The following ACSL4 variants were observed in gnomAD, a reference collection of about 807,000 sequenced individuals.
ACSL4 encodes the protein long-chain-fatty-acid--CoA ligase 4.
In ACSL4, 9 loss-of-function variants were observed where a neutral mutation model predicts 49.1. That is an observed-to-expected ratio of 0.18 (90% CI 0.11 to 0.32). The LOEUF (loss-of-function observed/expected upper bound fraction) is 0.32. Among genes scored for constraint, ACSL4 ranks in the 10% least tolerant of loss-of-function variants. The probability of loss-of-function intolerance (pLI) is 1.00; values close to 1 mark genes in which losing one functional copy is unlikely to be tolerated. For missense variants in ACSL4, 333 were observed against 493.7 expected, an observed-to-expected ratio of 0.67 and a Z score of 3.08; for synonymous variants, 191 against 170.3, an observed-to-expected ratio of 1.12 and a Z score of -0.95.
intron 1 of ACSL4, among the ~76,000 whole-genome samples, chrX:109,717,879 T>C (rs1387463169): frequency 9.0e-6 from 1 of 111,593 alleles, no homozygotes; most frequent in Non-Finnish European, 1.9e-5. Context: ...TCATGAGTTA[T>C]CATTAGTGTT....
chrX:109,674,517 A>T, intron 8 of ACSL4, 44 bp from the exon 9 acceptor site: 1 of 964,482 alleles, frequency 1.0e-6, no homozygotes, highest in East Asian at 3.1e-5. Flanking sequence ...AACCAACCTT[A>T]AAACATGTTG....
At chrX:109,708,541 C>T (rs985912909) in intron 1 of ACSL4, among the ~76,000 whole-genome samples, 1 of 112,116 alleles carries the variant, frequency 8.9e-6, no homozygotes, top group Non-Finnish European at 1.9e-5. Flanking sequence ...ATAAACTCTT[C>T]TTTTGCTCAT....
At chrX:109,664,021 T>C (rs190524873) in intron 12 of ACSL4, among the ~76,000 whole-genome samples, 6 of 111,825 alleles carry the variant, frequency 5.4e-5, no homozygotes, top group African/African-American at 1.9e-4. Flanking sequence ...AAGGAAAATA[T>C]ACAAAAATCT....
At chrX:109,697,713 G>A in intron 1 of ACSL4, among the ~76,000 whole-genome samples, 1 of 95,449 alleles carries the variant, frequency 1.0e-5, no homozygotes, top group Non-Finnish European at 2.1e-5. Context: ...ATTGACATGG[G>A]GGGGGGGGCG....
intron 15 of ACSL4, among the ~76,000 whole-genome samples, chrX:109,656,460 G>A (rs1194994271): frequency 1.8e-5 from 2 of 111,042 alleles, no homozygotes; most frequent in Non-Finnish European, 3.8e-5. Context: ...GTGTGGTAGG[G>A]AAGGCAAGGA....
Position 109,682,700 on chromosome X carries a change from A to G in ACSL4, c.406+19T>C, listed in dbSNP as rs1924260545. ...GCAAAGACCCTCCTCTCCCCCCTCCAAAAACACAAGGCACTTACGAGGAAA... is the reference window on the plus strand; with the variant it reads ...GCAAAGACCCTCCTCTCCCCCCTCCGAAAACACAAGGCACTTACGAGGAAA... On this transcript the variant is annotated intron_variant, in intron 4 of 15. Transcript: ENST00000672401. 2 of 1,210,435 alleles carry G rather than the reference A, an allele frequency of 1.7e-6. No individual in the cohort carries two copies. Among genetic ancestry groups the G allele is most frequent in the East Asian group, 5.9e-5 (2 of 33,826 alleles).
At chrX:109,658,561 T>C in intron 15 of ACSL4, among the ~76,000 whole-genome samples, 1 of 112,243 alleles carries the variant, frequency 8.9e-6, no homozygotes, top group Non-Finnish European at 1.9e-5. Context: ...TCTACAGCCT[T>C]ACCTCATACT....
intron 15 of ACSL4, among the ~76,000 whole-genome samples, chrX:109,647,849 C>A (rs1211757000): frequency 9.0e-6 from 1 of 110,892 alleles, no homozygotes; most frequent in Non-Finnish European, 1.9e-5. Flanking sequence ...GATATCACCA[C>A]CGATCCCACA....
chrX:109,699,340 AC>A (rs777746217), intron 1 of ACSL4, among the ~76,000 whole-genome samples: 4 of 112,201 alleles, frequency 3.6e-5, no homozygotes, highest in Non-Finnish European at 5.6e-5. Flanking sequence ...ATAGAGTGAG[AC>A]TCGGTCTCAA....
intron 1 of ACSL4, among the ~76,000 whole-genome samples, chrX:109,732,141 A>C (rs1252777253): frequency 8.9e-6 from 1 of 112,318 alleles, no homozygotes; most frequent in African/African-American, 3.2e-5. Context: ...TGAGACCATT[A>C]ACTGATAAAG....
At chrX:109,705,195 A>G (rs1926261027) in intron 1 of ACSL4, among the ~76,000 whole-genome samples, 2 of 112,422 alleles carry the variant, frequency 1.8e-5, no homozygotes, top group South Asian at 3.6e-4. Flanking sequence ...TTTTAATTAT[A>G]TAGGTGTAAT....
intron 14 of ACSL4, among the ~76,000 whole-genome samples, chrX:109,661,083 G>A (rs1021761809): frequency 2.7e-5 from 3 of 111,271 alleles, no homozygotes; most frequent in Admixed American, 1.9e-4. Context: ...TACGTTATAT[G>A]CTTTTTACCA....
intron 1 of ACSL4, among the ~76,000 whole-genome samples, chrX:109,706,459 A>G (rs1429331554): frequency 8.9e-6 from 1 of 112,490 alleles, no homozygotes; most frequent in Non-Finnish European, 1.9e-5. Context: ...TAGCAGCAGT[A>G]TCAACAGGGA....
intron 15 of ACSL4, among the ~76,000 whole-genome samples, chrX:109,646,115 G>T (rs1478919487): frequency 2.7e-5 from 3 of 111,956 alleles, no homozygotes; most frequent in Non-Finnish European, 5.6e-5. Context: ...TTATCCAGGA[G>T]AACTTCCCCA....
intron 1 of ACSL4, among the ~76,000 whole-genome samples, chrX:109,724,214 C>A (rs1324648572): frequency 9.0e-6 from 1 of 111,683 alleles, no homozygotes; most frequent in Non-Finnish European, 1.9e-5. Context: ...TATATATATA[C>A]TCATTCAACA....
chrX:109,676,647 C>A (rs1360477718), intron 8 of ACSL4, among the ~76,000 whole-genome samples: 3 of 110,677 alleles, frequency 2.7e-5, no homozygotes, highest in East Asian at 5.7e-4. Flanking sequence ...AGCAACTATT[C>A]CAAAGAAGAC....
chrX:109,646,078 C>T (rs1201027542), intron 15 of ACSL4, among the ~76,000 whole-genome samples: 1 of 111,882 alleles, frequency 8.9e-6, no homozygotes, highest in Admixed American at 9.4e-5. Flanking sequence ...GAGAATGGAA[C>T]CAAGTTGGAA....
intron 1 of ACSL4, among the ~76,000 whole-genome samples, chrX:109,698,273 C>A (rs765627504): frequency 8.9e-6 from 1 of 112,246 alleles, no homozygotes; most frequent in Non-Finnish European, 1.9e-5. Flanking sequence ...GTAACCTAGC[C>A]TAATTTACTT....
chrX:109,675,014 T>C (rs1040918234), intron 8 of ACSL4, among the ~76,000 whole-genome samples: 1 of 112,285 alleles, frequency 8.9e-6, no homozygotes, highest in African/African-American at 3.2e-5. Flanking sequence ...AATGGCCATA[T>C]AGAGGATGGT....
Sources: gnomAD v4.1 joint callset for allele counts (sites outside exome capture counted in the v4.1 genomes callset) on GRCh38, gnomAD v4.1.1 for gene constraint, MANE v1.5 for transcripts, NCBI Gene and HGNC (gene_info 2026-07-23, HGNC 2026-07-21) for gene names.